FSTL5: variants seen among roughly 807,000 people sequenced by gnomAD.
FSTL5 encodes the protein follistatin-related protein 5.
In FSTL5, 62 loss-of-function variants were observed where a neutral mutation model predicts 89.1. The ratio of observed to expected loss-of-function variants is 0.70; its 90% CI spans 0.57 to 0.86. FSTL5 has a LOEUF of 0.86. Ranked by LOEUF, FSTL5 falls within the 40% of genes least tolerant of loss-of-function variation. The pLI, the probability that FSTL5 is intolerant of heterozygous loss-of-function variation, is 0.00. For missense variants in FSTL5, 1,057 were observed against 1,001.6 expected, an observed-to-expected ratio of 1.06 and a Z score of -0.75; for synonymous variants, 383 against 346.2, an observed-to-expected ratio of 1.11 and a Z score of -1.18.
At chr4:162,051,118 A>G (rs2111257651) in intron 2 of FSTL5, among the ~76,000 whole-genome samples, 1 of 151,718 alleles carries the variant, frequency 6.6e-6, no homozygotes, top group East Asian at 1.9e-4. Flanking sequence ...GTGTATGTGT[A>G]CTTGGTTCAA....
rs561521101 is a variant in FSTL5, at chr4:161,387,835, A to G, written c.1842-1386T>C. The G allele has an allele frequency of 4.6e-5, 7 of 152,196 alleles. No homozygotes were observed. In the South Asian group the frequency reaches 1.4e-3, roughly 32 times the overall value. 9.4% of individuals were successfully genotyped at this position (152,196 alleles called of 1,614,324 possible). On this transcript the variant is annotated intron_variant, in intron 15 of 15. Coordinates refer to ENST00000306100, the MANE Select transcript of FSTL5 (RefSeq NM_020116.5). ...CATATTATAATTTTAGCTACATTTA[A>G]AATTTATGAGGAGACTATTTGCTGT... is the stretch of plus-strand genomic sequence containing the variant.
At chr4:161,878,684 C>T (rs186019578) in intron 4 of FSTL5, among the ~76,000 whole-genome samples, 145 of 151,936 alleles carry the variant, frequency 9.5e-4, no homozygotes, top group African/African-American at 3.4e-3. Context: ...AATAGAATAT[C>T]CCTAGTAGCC....
intron 6 of FSTL5, among the ~76,000 whole-genome samples, chr4:161,677,516 T>G (rs2126704959): frequency 6.6e-6 from 1 of 152,132 alleles, no homozygotes; most frequent in African/African-American, 2.4e-5. Flanking sequence ...TTTGGAAATC[T>G]TATTCCTTCT....
chr4:161,967,185 C>G (rs530612705), intron 3 of FSTL5, among the ~76,000 whole-genome samples: 7 of 151,960 alleles, frequency 4.6e-5, no homozygotes, highest in Admixed American at 3.3e-4. Context: ...AGATAGTCAC[C>G]TTGTTACATC....
At chr4:161,477,636 G>T (rs1401705750) in intron 13 of FSTL5, among the ~76,000 whole-genome samples, 1 of 129,154 alleles carries the variant, frequency 7.7e-6, no homozygotes, top group Non-Finnish European at 1.7e-5. Flanking sequence ...TATAATTCAG[G>T]TCTATCTCTG....
At chr4:161,797,160 A>T (rs116932669) in intron 4 of FSTL5, among the ~76,000 whole-genome samples, 1 of 151,652 alleles carries the variant, frequency 6.6e-6, no homozygotes, top group African/African-American at 2.4e-5. Context: ...TTAGGTCTCA[A>T]CATAAACACA....
intron 11 of FSTL5, among the ~76,000 whole-genome samples, chr4:161,507,323 C>T (rs111443524): frequency 0.037 from 5,601 of 151,480 alleles, 348 homozygotes; most frequent in African/African-American, 0.12. Flanking sequence ...TTTAATTATA[C>T]GTATCATAAA....
At chr4:161,478,469 C>G (rs1217574639) in intron 13 of FSTL5, among the ~76,000 whole-genome samples, 4 of 152,098 alleles carry the variant, frequency 2.6e-5, no homozygotes, top group Non-Finnish European at 4.4e-5. Flanking sequence ...TGGCCAACAG[C>G]ATTACAACTC....
chr4:161,795,344 G>A (rs1729602324), intron 4 of FSTL5, among the ~76,000 whole-genome samples: 1 of 151,890 alleles, frequency 6.6e-6, no homozygotes, highest in African/African-American at 2.4e-5. Flanking sequence ...TATTCCAAAG[G>A]GGTAAGTAAT....
At position 161,398,697 on chromosome 4, in the gene FSTL5, C is replaced by T. The variant is rs1370533747; in HGVS notation, c.1842-12248G>A. Among the ~76,000 whole-genome samples the T allele has an allele frequency of 1.3e-5, 2 of 152,046 alleles. 1 individual carries two copies. The highest frequency in any genetic ancestry group is 2.9e-5 in the Non-Finnish European group (2 of 67,970). ...GAAGTACATAATTTTAAAGAGTGCTCAATGGAATAGGCACTTTCTTATATT... is the reference window on the plus strand; with the variant it reads ...GAAGTACATAATTTTAAAGAGTGCTTAATGGAATAGGCACTTTCTTATATT... On this transcript the variant is annotated intron_variant, in intron 15 of 15. Transcript: ENST00000306100.
intron 15 of FSTL5, among the ~76,000 whole-genome samples, chr4:161,394,029 T>TG (rs1289075865): frequency 6.6e-6 from 1 of 152,128 alleles, no homozygotes; most frequent in African/African-American, 2.4e-5. Flanking sequence ...CTAAAGAGTG[T>TG]GAAAAACTAA....
At chr4:161,723,050 C>G (rs1354430155) in intron 6 of FSTL5, among the ~76,000 whole-genome samples, 2 of 151,996 alleles carry the variant, frequency 1.3e-5, no homozygotes, top group African/African-American at 4.8e-5. Flanking sequence ...AAGGGGCCAG[C>G]CAGAAAGTAC....
chr4:161,563,148 C>G (rs1578927575), intron 8 of FSTL5, among the ~76,000 whole-genome samples: 1 of 151,910 alleles, frequency 6.6e-6, no homozygotes, highest in African/African-American at 2.4e-5. Context: ...CTCACCCTAA[C>G]TGGAAACATA....
chr4:161,834,471 G>A (rs1305121470), intron 4 of FSTL5, among the ~76,000 whole-genome samples: 1 of 152,140 alleles, frequency 6.6e-6, no homozygotes, highest in Non-Finnish European at 1.5e-5. Flanking sequence ...GCAGAAGAAG[G>A]AAATAAAGGG....
chr4:161,712,161 TG>T (rs942058902), intron 6 of FSTL5, among the ~76,000 whole-genome samples: 7 of 152,164 alleles, frequency 4.6e-5, no homozygotes, highest in African/African-American at 1.7e-4. Flanking sequence ...ATTTCCTTTT[TG>T]GGGGTAGAAA....
chr4:162,092,925 G>A (rs998099316), intron 2 of FSTL5, among the ~76,000 whole-genome samples: 3 of 138,534 alleles, frequency 2.2e-5, no homozygotes, highest in African/African-American at 8.1e-5. Flanking sequence ...CTCAGCCTGG[G>A]TGACAGAGCG....
chr4:161,773,072 C>A (rs754897765), intron 5 of FSTL5, among the ~76,000 whole-genome samples: 15 of 152,046 alleles, frequency 9.9e-5, no homozygotes, highest in Non-Finnish European at 1.8e-4. Flanking sequence ...TTTGACAAAG[C>A]AAACAAAAAC....
chr4:161,838,110 T>C (rs1352936797), intron 4 of FSTL5, among the ~76,000 whole-genome samples: 4 of 152,076 alleles, frequency 2.6e-5, no homozygotes, highest in African/African-American at 9.7e-5. Flanking sequence ...TAATGATAGA[T>C]AATTACTGAA....
At chr4:162,079,366 G>A (rs1428474893) in intron 2 of FSTL5, among the ~76,000 whole-genome samples, 1 of 151,622 alleles carries the variant, frequency 6.6e-6, no homozygotes, top group African/African-American at 2.4e-5. Flanking sequence ...GAGAAGGGAA[G>A]AGGAAAGTAT....
Sources: gnomAD v4.1 joint callset for allele counts (sites outside exome capture counted in the v4.1 genomes callset) on GRCh38, gnomAD v4.1.1 for gene constraint, MANE v1.5 for transcripts, NCBI Gene and HGNC (gene_info 2026-07-23, HGNC 2026-07-21) for gene names.